Variants in LAMC3 observed in about 807,000 individuals in gnomAD.
The protein encoded by LAMC3 is laminin subunit gamma 3.
LAMC3 carries 128 observed loss-of-function variants against 173.8 expected under a neutral mutation model. The observed-to-expected ratio is 0.74, with a 90% CI of 0.64 to 0.85. The LOEUF (loss-of-function observed/expected upper bound fraction) is 0.85. Among genes scored for constraint, LAMC3 ranks in the 40% least tolerant of loss-of-function variants. LAMC3 has a pLI of 0.00. For missense variants in LAMC3, 2,022 were observed against 2,156.0 expected, an observed-to-expected ratio of 0.94 and a Z score of 1.23; for synonymous variants, 897 against 909.1, an observed-to-expected ratio of 0.99 and a Z score of 0.24.
chr9:131,088,197 C>T (rs1830363094), intron 27 of LAMC3, among the ~76,000 whole-genome samples: 1 of 152,140 alleles, frequency 6.6e-6, no homozygotes, highest in Non-Finnish European at 1.5e-5. Flanking sequence ...ACTGTCACGG[C>T]AGAAAGTGTC....
At chr9:131,068,871 G>C (rs1303704164) in intron 15 of LAMC3, 37 bp from the exon 16 acceptor site, 1 of 1,613,108 alleles carries the variant, frequency 6.2e-7, no homozygotes, top group African/African-American at 1.3e-5. Context: ...GAGTGGCCCT[G>C]AGCTTGCCTC....
chr9:131,072,440 C>A (rs1421109985), intron 18 of LAMC3, among the ~76,000 whole-genome samples, 190 bp from the exon 19 acceptor site: 4 of 152,136 alleles, frequency 2.6e-5, no homozygotes, highest in Non-Finnish European at 5.9e-5. Flanking sequence ...GACCTCGGGT[C>A]ATGTTTGCCT....
Position 131,079,153 on chromosome 9 carries a change from A to T in LAMC3, c.3782A>T (p.Gln1261Leu). 1.9e-6 allele frequency: 3 copies of T among 1,613,318 alleles called. No individual in the cohort carries two copies. The highest frequency in any genetic ancestry group is 2.5e-6 in the Non-Finnish European group (3 of 1,179,680). Residue 1261 changes from glutamine to leucine, a missense_variant, in exon 23 of 28, where the codon CAG becomes CTG. Physicochemically the swap from Gln to Leu is moderately radical, Grantham distance 113. Transcript: ENST00000361069. The stretch of plus-strand genomic sequence containing the variant: ...GAGCGCATTGTCTCCCTGCAGCCTC[A>T]GAAGTCCCGGGCTGAAGACCTGGGC... The part of the protein sequence containing the change: ...ALLASPGALP[Q>L]KSRAEDLGLK...
chr9:131,085,893 G>A (rs774360016), intron 25 of LAMC3, 170 bp downstream of exon 25: 9 of 707,192 alleles, frequency 1.3e-5, no homozygotes, highest in Admixed American at 2.0e-5. Context: ...GGTTCCTCAC[G>A]AAATAGGTGT....
intron 11 of LAMC3, 71 bp from the exon 12 acceptor site, chr9:131,056,854 CAGGA>C (rs1490025621): frequency 1.7e-6 from 2 of 1,189,306 alleles, no homozygotes; most frequent in Non-Finnish European, 2.5e-6. Flanking sequence ...CATATGTGAA[CAGGA>C]AGGTTTTGGG....
rs59291636 is a variant in LAMC3 at position 131,048,047 on chromosome 9, A to ATTT, written c.1520-948_1520-946dup. 1.3e-3 allele frequency among the ~76,000 whole-genome samples: 70 copies of ATTT among 53,394 alleles called. 19 individuals carry two copies. Among genetic ancestry groups the ATTT allele is most frequent in the African/African-American group, 4.4e-3 (49 of 11,100 alleles). The allele number at this position is 53,394 out of a possible 152,430, so 35.0% of individuals were successfully genotyped here. On this transcript the variant is annotated intron_variant, in intron 8 of 27. Transcript: ENST00000361069. ...AGGTGTGAGCCACCACACCCAGCTG[A>ATTT]TTTTTTTTTTTTTTTTTTTTTTTTT...
rs778920875 is a variant in LAMC3, at chr9:131,079,162, G to T, written c.3791G>T (p.Arg1264Leu). 38 of 1,613,468 alleles carry T rather than the reference G, an allele frequency of 2.4e-5. No homozygotes were observed. Among genetic ancestry groups the T allele is most frequent in the Non-Finnish European group, 3.1e-5 (37 of 1,179,792 alleles). The change falls in exon 23 of 28, where the codon CGG becomes CTG. Residue 1264 changes from arginine (R) to leucine (L), a missense_variant. Transcript: ENST00000361069. ...GTCTCCCTGCAGCCTCAGAAGTCCC[G>T]GGCTGAAGACCTGGGCCTGAAGGCG... Reference protein sequence around the residue: ...ASPGALPQKSRAEDLGLKAKA... With the variant: ...ASPGALPQKSLAEDLGLKAKA...
chr9:131,085,822 T>G, intron 25 of LAMC3, 99 bp downstream of exon 25: 1 of 1,126,650 alleles, frequency 8.9e-7, no homozygotes, highest in Non-Finnish European at 1.3e-6. Context: ...TACTCCGCAC[T>G]CACTCACTGC....
At chr9:131,011,769 C>T (rs1347400123) in intron 1 of LAMC3, among the ~76,000 whole-genome samples, 1 of 152,056 alleles carries the variant, frequency 6.6e-6, no homozygotes, top group Non-Finnish European at 1.5e-5. Context: ...TGGGGAGACA[C>T]AGTGCTCCAT....
chr9:131,042,232 TGACA>T (rs1834070215), intron 7 of LAMC3, among the ~76,000 whole-genome samples: 1 of 148,732 alleles, frequency 6.7e-6, no homozygotes, highest in Admixed American at 6.7e-5. Flanking sequence ...TTCACACCCA[TGACA>T]GACACCACTA....
At position 131,019,788 on chromosome 9, in the gene LAMC3, G is replaced by A. The variant is rs996946582; in HGVS notation, c.374-6497G>A. Among the ~76,000 whole-genome samples, 42 of 152,192 alleles carry A rather than the reference G, an allele frequency of 2.8e-4. 1 individual carries two copies. Among genetic ancestry groups the A allele is most frequent in the Middle Eastern group, 6.8e-3 (2 of 294 alleles). On this transcript the variant is annotated intron_variant, in intron 1 of 27. Transcript: ENST00000361069. ...GGGCTGCCTAGGAAGGGGGTGAAGG[G>A]GGTGCTGGTGCCCATGGAGACATGG...
Position 131,052,886 on chromosome 9 carries a change from GC to G in LAMC3, c.1866del (p.Phe623SerfsTer10), listed in dbSNP as rs772623860. ...ETSEDVAPPLPPFHFQRLLAN... is the reference protein window; with the variant it reads ...ETSEDVAPPLXPFHFQRLLAN... ...CCTCCGAGGACGTGGCCCCTCCACT[GC>G]CCCCCTTCCACTTCCAGCGGCTCCT... On this transcript the variant is annotated frameshift_variant, in exon 11 of 28. Coordinates refer to ENST00000361069, the MANE Select transcript of LAMC3 (RefSeq NM_006059.4). LOFTEE classifies it high-confidence loss of function. The G allele has an allele frequency of 2.6e-4, 413 of 1,613,242 alleles. No individual in the cohort carries two copies. Among genetic ancestry groups the G allele is most frequent in the African/African-American group, 1.3e-5 (1 of 74,674 alleles).
intron 3 of LAMC3, among the ~76,000 whole-genome samples, chr9:131,032,437 T>C (rs549882105): frequency 3.1e-4 from 47 of 150,992 alleles, no homozygotes; most frequent in African/African-American, 9.7e-4. Flanking sequence ...GTTCCTTCCT[T>C]CCTCCCTCCC....
intron 13 of LAMC3, 32 bp from the exon 14 acceptor site, chr9:131,066,928 G>A: frequency 9.9e-6 from 16 of 1,611,636 alleles, no homozygotes; most frequent in Non-Finnish European, 1.4e-5. Context: ...CCAGCCAGCT[G>A]TGTTCCCCAC....
intron 18 of LAMC3, 93 bp from the exon 19 acceptor site, chr9:131,072,537 G>T: frequency 3.0e-6 from 3 of 1,015,942 alleles, no homozygotes; most frequent in Non-Finnish European, 3.0e-6. Flanking sequence ...GATGCCTGGG[G>T]AATGGAGGCC....
intron 18 of LAMC3, among the ~76,000 whole-genome samples, chr9:131,071,933 G>A (rs893735161): frequency 1.1e-4 from 17 of 152,150 alleles, no homozygotes; most frequent in African/African-American, 4.1e-4. Flanking sequence ...ATTCTTGGCC[G>A]TTTTGCTCTG....
Position 131,052,888 on chromosome 9 carries a change from C to A in LAMC3, c.1862C>A (p.Pro621His), listed in dbSNP as rs774833418. The stretch of plus-strand genomic sequence containing the variant: ...TCCGAGGACGTGGCCCCTCCACTGC[C>A]CCCCTTCCACTTCCAGCGGCTCCTC... ...ETSEDVAPPL[P>H]PFHFQRLLAN... The change falls in exon 11 of 28, where the codon CCC becomes CAC. Residue 621 changes from proline to histidine, a missense_variant. Coordinates refer to ENST00000361069, the MANE Select transcript of LAMC3 (RefSeq NM_006059.4). The A allele has an allele frequency of 3.7e-6, 6 of 1,613,728 alleles. No homozygotes were observed. The Admixed American group carries it at 1.0e-4, about 27-fold the overall frequency.
At position 131,038,976 on chromosome 9, in the gene LAMC3, C is replaced by T; in HGVS notation, c.1089C>T (p.His363=). 1 of 1,613,580 alleles carries T rather than the reference C, an allele frequency of 6.2e-7. No homozygotes were observed. The highest frequency in any genetic ancestry group is 8.5e-7 in the Non-Finnish European group (1 of 1,180,030). The part of the protein sequence containing the change: ...HHCRDHTAGP[H]CERCQENFYH... ...GCCGTGACCACACAGCTGGGCCACA[C>T]TGTGAGCGCTGTCAGGAGAATTTCT... The change falls in exon 5 of 28, where the codon CAC becomes CAT. Residue 363 remains histidine (H), a synonymous_variant. Transcript: ENST00000361069.
intron 17 of LAMC3, among the ~76,000 whole-genome samples, chr9:131,071,212 C>T (rs1316413510): frequency 6.6e-6 from 1 of 152,208 alleles, no homozygotes; most frequent in Non-Finnish European, 1.5e-5. Flanking sequence ...GGGCATCCCT[C>T]CCCATCCCTT....
Sources: gnomAD v4.1 joint callset for allele counts (sites outside exome capture counted in the v4.1 genomes callset) on GRCh38, gnomAD v4.1.1 for gene constraint, MANE v1.5 for transcripts, NCBI Gene and HGNC (gene_info 2026-07-23, HGNC 2026-07-21) for gene names.